FHIT: variants seen among roughly 807,000 people sequenced by gnomAD.
FHIT encodes the protein fragile histidine triad diadenosine triphosphatase.
In FHIT, 19 loss-of-function variants were observed where a neutral mutation model predicts 17.9. That is an observed-to-expected ratio of 1.06 (90% confidence interval 0.74 to 1.56). The LOEUF (loss-of-function observed/expected upper bound fraction) is 1.56, where lower values mean the gene tolerates loss of function less well. FHIT is among the 40% of genes most tolerant of loss of function. FHIT has a pLI of 0.00. For synonymous variants in FHIT, 81 were observed against 69.7 expected (o/e 1.16, Z -0.81); for missense variants, 248 against 189.2 (o/e 1.31, Z -1.82).
intron 5 of FHIT, among the ~76,000 whole-genome samples, chr3:60,443,159 T>G (rs1472332716): frequency 6.6e-6 from 1 of 152,198 alleles, no homozygotes; most frequent in Non-Finnish European, 1.5e-5. Context: ...CCTATCAGCT[T>G]AAGGAGATTT....
chr3:61,159,421 A>C (rs998082554), intron 2 of FHIT, among the ~76,000 whole-genome samples: 3 of 152,152 alleles, frequency 2.0e-5, no homozygotes, highest in African/African-American at 7.2e-5. Context: ...CACCTCAGAT[A>C]TGCATCTTCA....
At chr3:60,856,797 C>A (rs1703404735) in intron 3 of FHIT, among the ~76,000 whole-genome samples, 1 of 152,034 alleles carries the variant, frequency 6.6e-6, no homozygotes, top group African/African-American at 2.4e-5. Context: ...TCCCACCTGA[C>A]AACTTCTTCA....
chr3:59,867,761 G>C (rs1702720119), intron 8 of FHIT, among the ~76,000 whole-genome samples: 1 of 151,902 alleles, frequency 6.6e-6, no homozygotes, highest in African/African-American at 2.4e-5. Flanking sequence ...CTAGACTTTT[G>C]AGAGTTTCAC....
intron 8 of FHIT, among the ~76,000 whole-genome samples, chr3:59,768,044 T>C (rs890961120): frequency 6.6e-6 from 1 of 152,212 alleles, no homozygotes; most frequent in Non-Finnish European, 1.5e-5. Context: ...ATTCAGTGAA[T>C]TGCTTGAGTC....
At chr3:59,766,441 A>C (rs767058311) in intron 8 of FHIT, among the ~76,000 whole-genome samples, 5 of 152,164 alleles carry the variant, frequency 3.3e-5, no homozygotes, top group Non-Finnish European at 7.3e-5. Flanking sequence ...CCTTCACTGA[A>C]TCCCGACTAG....
At chr3:60,745,407 G>A (rs1433179580) in intron 4 of FHIT, among the ~76,000 whole-genome samples, 1 of 152,208 alleles carries the variant, frequency 6.6e-6, no homozygotes, top group African/African-American at 2.4e-5. Context: ...GGAATAGAGT[G>A]ATGAAGATGG....
intron 3 of FHIT, among the ~76,000 whole-genome samples, chr3:61,016,294 T>C (rs57909679): frequency 0.029 from 4,413 of 152,162 alleles, 167 homozygotes; most frequent in East Asian, 0.072. Context: ...TAATGGAACA[T>C]AGATTTTAAA....
chr3:60,012,098 C>G (rs900019040), intron 6 of FHIT, among the ~76,000 whole-genome samples: 3 of 152,004 alleles, frequency 2.0e-5, no homozygotes, highest in Admixed American at 1.3e-4. Context: ...TTGTCTACCT[C>G]TATGAGCCTG....
Position 60,091,764 on chromosome 3 carries a change from C to T in FHIT, c.104-77612G>A, listed in dbSNP as rs1305994344. Among the ~76,000 whole-genome samples the T allele has an allele frequency of 2.0e-5, 3 of 152,088 alleles. No individual in the cohort carries two copies. In the East Asian group the frequency reaches 5.8e-4, roughly 29 times the overall value. Reference sequence around the variant, plus strand: ...GTGCGGCACCTCCCACCTTGCCTTTCTTCTCCTGCTCCCACCACATGAGAT... The same window carrying T: ...GTGCGGCACCTCCCACCTTGCCTTTTTTCTCCTGCTCCCACCACATGAGAT... On this transcript the variant is annotated intron_variant, in intron 5 of 9. Transcript: ENST00000492590.
intron 5 of FHIT, among the ~76,000 whole-genome samples, chr3:60,204,742 T>A (rs1173431588): frequency 2.0e-5 from 3 of 152,196 alleles, no homozygotes; most frequent in African/African-American, 7.2e-5. Flanking sequence ...GGGAAATACC[T>A]GCTCTGGATT....
At chr3:60,955,420 T>C (rs1709068500) in intron 3 of FHIT, among the ~76,000 whole-genome samples, 1 of 151,988 alleles carries the variant, frequency 6.6e-6, no homozygotes, top group Admixed American at 6.6e-5. Context: ...CAAAGTCTTG[T>C]GTCAAGCCAG....
At chr3:59,883,412 G>C (rs919711502) in intron 8 of FHIT, among the ~76,000 whole-genome samples, 9 of 152,198 alleles carry the variant, frequency 5.9e-5, no homozygotes, top group South Asian at 2.1e-4. Context: ...AAGGTGAAAG[G>C]CATGTTTTAT....
intron 3 of FHIT, among the ~76,000 whole-genome samples, chr3:60,903,862 G>A (rs1361318923): frequency 3.9e-5 from 6 of 152,140 alleles, no homozygotes; most frequent in Non-Finnish European, 7.3e-5. Flanking sequence ...ATATCCTCTG[G>A]AGGATAAATA....
intron 2 of FHIT, among the ~76,000 whole-genome samples, chr3:61,119,732 G>T (rs974091655): frequency 6.6e-6 from 1 of 152,356 alleles, no homozygotes; most frequent in South Asian, 2.1e-4. Context: ...AAAAGGCAGA[G>T]GAAGGGTGAA....
chr3:60,127,114 T>A (rs967889988), intron 5 of FHIT, among the ~76,000 whole-genome samples: 1 of 152,106 alleles, frequency 6.6e-6, no homozygotes, highest in African/African-American at 2.4e-5. Flanking sequence ...ATCTCCCAAT[T>A]ACACAAGCGA....
chr3:59,891,726 T>C (rs1331134448), intron 8 of FHIT, among the ~76,000 whole-genome samples: 1 of 152,182 alleles, frequency 6.6e-6, no homozygotes. Context: ...GTGCCCTTGC[T>C]TTATAAAACA....
intron 5 of FHIT, among the ~76,000 whole-genome samples, chr3:60,450,774 C>T (rs2031684797): frequency 6.6e-6 from 1 of 152,066 alleles, no homozygotes; most frequent in South Asian, 2.1e-4. Flanking sequence ...AAACCAAAAA[C>T]ACCAACAAAA....
chr3:60,193,268 G>T (rs1032213455), intron 5 of FHIT, among the ~76,000 whole-genome samples: 1 of 152,138 alleles, frequency 6.6e-6, no homozygotes, highest in African/African-American at 2.4e-5. Flanking sequence ...GAATGGACCT[G>T]CATCAGAAGA....
At chr3:60,732,756 G>A (rs974650268) in intron 4 of FHIT, 7 of 268,780 alleles carry the variant, frequency 2.6e-5, no homozygotes, top group Admixed American at 5.0e-5. Context: ...GCACAATCTC[G>A]GCTCACTGCA....
Sources: gnomAD v4.1 joint callset for allele counts (sites outside exome capture counted in the v4.1 genomes callset) on GRCh38, gnomAD v4.1.1 for gene constraint, MANE v1.5 for transcripts, NCBI Gene and HGNC (gene_info 2026-07-23, HGNC 2026-07-21) for gene names.